The following ABCA7 variants were observed in gnomAD, a reference collection of about 807,000 sequenced individuals.
ABCA7 encodes phospholipid-transporting ATPase ABCA7.
In ABCA7, 261 loss-of-function variants were observed where a neutral mutation model predicts 227.6. That is an observed-to-expected ratio of 1.15 (90% CI 1.04 to 1.27). The LOEUF is 1.27. Ranked by LOEUF, ABCA7 falls within the 50% of genes most tolerant of loss-of-function variation. ABCA7 has a pLI of 0.00. For missense variants in ABCA7, 3,331 were observed against 2,924.5 expected (o/e 1.14, Z -3.21); for synonymous variants, 1,488 against 1,279.7 (o/e 1.16, Z -3.47).
chr19:1,048,288 G>C (rs866762290), intron 16 of ABCA7, among the ~76,000 whole-genome samples: 1 of 150,918 alleles, frequency 6.6e-6, no homozygotes, highest in Non-Finnish European at 1.5e-5. Flanking sequence ...ATCTGAGGTC[G>C]GGATTTCGAG....
Position 1,054,153 on chromosome 19 carries a change from C to A in ABCA7, c.3578-40C>A, listed in dbSNP as rs762249202. On this transcript the variant is annotated intron_variant, in intron 26 of 46. Transcript: ENST00000263094. The surrounding 1 kb of genome is among the most constrained non-coding windows in gnomAD (Gnocchi z 4.8). ...GCCCTGGGGTCCTCCCAGCCACCCC[C>A]CCACAGCAGCGTGAGCACTGACCCT... 1.2e-6 allele frequency: 2 copies of A among 1,612,348 alleles called. No homozygotes were observed. The highest frequency in any genetic ancestry group is 2.2e-5 in the East Asian group (1 of 44,854).
Position 1,054,426 on chromosome 19 carries a change from C to CT in ABCA7, c.3726+87dup, listed in dbSNP as rs1364258511. ...TCCACTCAGTGGCCTAATCCAAACC[C>CT]TTACCCCCGTGTGTATTCCCAACCC... On this transcript the variant is annotated intron_variant, in intron 27 of 46. Coordinates refer to ENST00000263094, the MANE Select transcript of ABCA7 (RefSeq NM_019112.4). This position sits in a 1 kb window ranked among gnomAD's most constrained non-coding sequence, Gnocchi z 4.8. 2.7e-5 allele frequency: 42 copies of CT among 1,551,110 alleles called. No homozygotes were observed. Among genetic ancestry groups the CT allele is most frequent in the Non-Finnish European group, 3.6e-5 (42 of 1,150,884 alleles).
At chr19:1,050,740 G>C (rs932029237) in intron 18 of ABCA7, among the ~76,000 whole-genome samples, 181 bp from the exon 19 acceptor site, 4 of 150,144 alleles carry the variant, frequency 2.7e-5, no homozygotes, top group African/African-American at 9.8e-5. Context: ...AGATCGTGCC[G>C]CTGCACTCCA....
chr19:1,055,057 C>T (rs370522890), intron 29 of ABCA7, 40 bp from the exon 30 acceptor site: 1 of 1,574,344 alleles, frequency 6.4e-7, no homozygotes, highest in East Asian at 2.3e-5. Flanking sequence ...TCACCTTGAC[C>T]CTGCAGCGCC....
chr19:1,041,836 T>C lies in ABCA7; in HGVS notation c.166T>C (p.Phe56Leu), dbSNP rs1462114487. ...CACCAGGCGTCTCCCCGCAGGCCAC[T>C]TCCCAAACAAGCCACTGCCATCGGC... is the stretch of plus-strand genomic sequence containing the variant. ...HPPLEHHECH[F>L]PNKPLPSAGT... The change falls in exon 4 of 47, where the codon TTC (phenylalanine) becomes CTC (leucine). Residue 56 changes from phenylalanine (F) to leucine (L), a missense_variant. Transcript: ENST00000263094. 1 of 1,602,394 alleles carries C rather than the reference T, an allele frequency of 6.2e-7. No homozygotes were observed. The highest frequency in any genetic ancestry group is 1.7e-5 in the Admixed American group (1 of 59,062).
In ABCA7 at chr19:1,059,078, C is replaced by T. The variant is rs775106905; in HGVS notation, c.5456C>T (p.Pro1819Leu). The change falls in exon 40 of 47, where the codon CCT (proline) becomes CTT (leucine). Residue 1819 changes from proline to leucine, a missense_variant. Physicochemically the swap from Pro to Leu is moderately conservative, Grantham distance 98 (BLOSUM62 -3). Coordinates refer to ENST00000263094, the MANE Select transcript of ABCA7 (RefSeq NM_019112.4). The part of the protein sequence containing the change: ...AVDRLCLGIP[P>L]GECFGLLGVN... Reference sequence around the variant, plus strand: ...GACCGCTTGTGCCTGGGGATTCCCCCTGGTGAGGTGAGTCCAGGGGTGGAG... The same window carrying T: ...GACCGCTTGTGCCTGGGGATTCCCCTTGGTGAGGTGAGTCCAGGGGTGGAG... 2.5e-6 allele frequency: 4 copies of T among 1,612,986 alleles called. No individual in the cohort carries two copies. Among genetic ancestry groups the T allele is most frequent in the Admixed American group, 3.3e-5 (2 of 59,938 alleles).
chr19:1,040,629 A>G lies in ABCA7; in HGVS notation c.-138+433A>G, dbSNP rs556506414. Among the ~76,000 whole-genome samples, 171 of 152,272 alleles carry G rather than the reference A, an allele frequency of 1.1e-3. 1 individual carries two copies. Among genetic ancestry groups the G allele is most frequent in the Non-Finnish European group, 1.3e-3 (89 of 68,026 alleles). ...ATCTGTGTCAGAGGTGGACCGGCCC[A>G]AGGAAAATAGATCAGGAATCGCTGA... On this transcript the variant is annotated intron_variant, in intron 1 of 46. Coordinates refer to ENST00000263094, the MANE Select transcript of ABCA7 (RefSeq NM_019112.4).
rs907526675 is a variant in ABCA7 at position 1,044,007 on chromosome 19, G to A, written c.1047+166G>A. On this transcript the variant is annotated intron_variant, in intron 10 of 46. Coordinates refer to ENST00000263094, the MANE Select transcript of ABCA7 (RefSeq NM_019112.4). ...AGCTGGAATGCAGTGGCGTGATCTCGACTCACTGCAACCTCCACCTCCCGG... is the reference window on the plus strand; with the variant it reads ...AGCTGGAATGCAGTGGCGTGATCTCAACTCACTGCAACCTCCACCTCCCGG... 7.4e-5 allele frequency among the ~76,000 whole-genome samples: 11 copies of A among 148,670 alleles called. No individual in the cohort carries two copies. The East Asian group carries it at 7.8e-4, about 11-fold the overall frequency.
intron 12 of ABCA7, 98 bp downstream of exon 12, chr19:1,045,329 A>G: frequency 8.4e-7 from 1 of 1,197,276 alleles, no homozygotes; most frequent in Admixed American, 2.1e-5. Flanking sequence ...AGACCATGAT[A>G]GACAGGATCT....
chr19:1,064,665 G>C (rs1167105913), intron 45 of ABCA7: 1 of 555,392 alleles, frequency 1.8e-6, no homozygotes, highest in South Asian at 2.6e-5. Flanking sequence ...GGAGTCAAGT[G>C]GGGTGATAGC....
chr19:1,061,302 C>T (rs147209675), intron 40 of ABCA7, among the ~76,000 whole-genome samples: 2,098 of 146,260 alleles, frequency 0.014, 20 homozygotes, highest in Non-Finnish European at 0.023. Context: ...GAGCCTGAGA[C>T]AGGAGAATTG....
At chr19:1,059,363 C>T (rs2042503876) in intron 40 of ABCA7, 1 of 153,670 alleles carries the variant, frequency 6.5e-6, no homozygotes, top group African/African-American at 2.4e-5. Context: ...CTCCCGGGTT[C>T]ATGCCATTCT....
chr19:1,049,247 G>A lies in ABCA7; in HGVS notation c.2381-19G>A. ...GGACCCCCATGACCTCCATGGCTGAGTCCACCCCATCTCTGCAGTGCTGGT... is the reference window on the plus strand; with the variant it reads ...GGACCCCCATGACCTCCATGGCTGAATCCACCCCATCTCTGCAGTGCTGGT... On this transcript the variant is annotated intron_variant, in intron 17 of 46. Transcript: ENST00000263094. The A allele has an allele frequency of 1.3e-6, 2 of 1,581,072 alleles. No homozygotes were observed. Among genetic ancestry groups the A allele is most frequent in the Non-Finnish European group, 1.7e-6 (2 of 1,158,794 alleles).
In ABCA7 at chr19:1,053,452, C is replaced by T. The variant is rs750489351; in HGVS notation, c.3344C>T (p.Thr1115Ile). 21 of 1,601,306 alleles carry T rather than the reference C, an allele frequency of 1.3e-5. No individual in the cohort carries two copies. The highest frequency in any genetic ancestry group is 1.7e-5 in the Non-Finnish European group (20 of 1,175,910). ...YTGAHDGSFA[T>I]LFRELDTRLA... Reference sequence around the variant, plus strand: ...GGTGCCCATGACGGCAGCTTCGCCACACTCTTCCGAGAGCTAGACACGCGG... The same window carrying T: ...GGTGCCCATGACGGCAGCTTCGCCATACTCTTCCGAGAGCTAGACACGCGG... The change falls in exon 24 of 47, where the codon ACA (threonine) becomes ATA (isoleucine). Residue 1115 changes from threonine to isoleucine, a missense_variant. Thr to Ile is a moderately conservative substitution (Grantham distance 89). Transcript: ENST00000263094.
At position 1,051,948 on chromosome 19, in the gene ABCA7, C is replaced by T. The variant is rs143226982; in HGVS notation, c.2969C>T (p.Thr990Met). ...ELLLKYREGR[T>M]LILSTHHLDE... Reference sequence around the variant, plus strand: ...GTTGGTCCCCCGTGCCTAGGTCGCACGCTGATCCTCTCCACCCACCACCTG... The same window carrying T: ...GTTGGTCCCCCGTGCCTAGGTCGCATGCTGATCCTCTCCACCCACCACCTG... The change falls in exon 22 of 47, where the codon ACG becomes ATG. Residue 990 changes from threonine (T) to methionine (M), a missense_variant. Thr to Met is a moderately conservative substitution (Grantham distance 81). Coordinates refer to ENST00000263094, the MANE Select transcript of ABCA7 (RefSeq NM_019112.4). The T allele has an allele frequency of 9.8e-5, 158 of 1,611,286 alleles. No homozygotes were observed. Among genetic ancestry groups the T allele is most frequent in the Non-Finnish European group, 1.2e-4 (147 of 1,179,830 alleles).
rs1343406081 is a variant in ABCA7, at chr19:1,042,765, T to G, written c.518T>G (p.Leu173Arg). The G allele has an allele frequency of 6.2e-6, 10 of 1,613,382 alleles. No individual in the cohort carries two copies. The highest frequency in any genetic ancestry group is 1.3e-5 in the African/African-American group (1 of 74,930). ...LLRTESLGLA[L>R]GQAQEPLHSL... ...CCCCAGGAATCCCTGGGGTTGGCACTGGGCCAAGCCCAGGAGCCCTTGCAC... is the reference window on the plus strand; with the variant it reads ...CCCCAGGAATCCCTGGGGTTGGCACGGGGCCAAGCCCAGGAGCCCTTGCAC... The change falls in exon 7 of 47, where the codon CTG becomes CGG. Residue 173 changes from leucine to arginine, a missense_variant. By Grantham distance (102) the Leu-to-Arg change is moderately radical. Coordinates refer to ENST00000263094, the MANE Select transcript of ABCA7 (RefSeq NM_019112.4).
Position 1,048,921 on chromosome 19 carries a change from A to G in ABCA7, c.2296A>G (p.Asn766Asp), listed in dbSNP as rs2041061941. ...PGQYGIPEPW[N>D]FPFRRSYWCG... ...CCAGTACGGGATCCCTGAACCATGGAATTTTCCTTTTCGGAGGAGCTACTG... is the reference window on the plus strand; with the variant it reads ...CCAGTACGGGATCCCTGAACCATGGGATTTTCCTTTTCGGAGGAGCTACTG... Residue 766 changes from asparagine (N) to aspartate (D), a missense_variant, in exon 17 of 47, where the codon AAT becomes GAT. Asn to Asp is a conservative substitution (Grantham distance 23). Coordinates refer to ENST00000263094, the MANE Select transcript of ABCA7 (RefSeq NM_019112.4). 3.7e-6 allele frequency: 6 copies of G among 1,608,998 alleles called. No homozygotes were observed. The highest frequency in any genetic ancestry group is 4.2e-6 in the Non-Finnish European group (5 of 1,178,132).
At position 1,055,357 on chromosome 19, in the gene ABCA7, C is replaced by A; in HGVS notation, c.4205+6C>A. 6.4e-7 allele frequency: 1 copy of A among 1,568,102 alleles called. No individual in the cohort carries two copies. Among genetic ancestry groups the A allele is most frequent in the South Asian group, 1.1e-5 (1 of 87,548 alleles). The stretch of plus-strand genomic sequence containing the variant: ...CCGCGCCTGGTGCGCCAGGGGTGAG[C>A]CATGCCCTGGGACTCAGTTTCCCTG... On this transcript the variant is annotated splice_donor_region_variant and intron_variant, in intron 30 of 46. Transcript: ENST00000263094.
rs2042956853 is a variant in ABCA7, at chr19:1,065,051, G to A, written c.6165G>A (p.Leu2055=). 3.2e-6 allele frequency: 5 copies of A among 1,559,380 alleles called. No homozygotes were observed. Among genetic ancestry groups the A allele is most frequent in the Middle Eastern group, 3.4e-4 (2 of 5,954 alleles). ...AELREAHGGR[L]RFQLPPGGRC... is the part of the protein sequence containing the mutation. Reference sequence around the variant, plus strand: ...TGCGCGAGGCACATGGAGGCCGCCTGCGCTTCCAGCTGCCGCCGGGAGGGC... The same window carrying A: ...TGCGCGAGGCACATGGAGGCCGCCTACGCTTCCAGCTGCCGCCGGGAGGGC... The change falls in exon 46 of 47, where the codon CTG becomes CTA. Residue 2055 remains leucine (L), a synonymous_variant. Coordinates refer to ENST00000263094, the MANE Select transcript of ABCA7 (RefSeq NM_019112.4).
Sources: gnomAD v4.1 joint callset for allele counts (sites outside exome capture counted in the v4.1 genomes callset) on GRCh38, gnomAD v4.1.1 for gene constraint, Gnocchi (gnomAD v3.1) non-coding constraint, MANE v1.5 for transcripts, NCBI Gene and HGNC (gene_info 2026-07-23, HGNC 2026-07-21) for gene names.